TTC3: variants seen among roughly 807,000 people sequenced by gnomAD.
TTC3 encodes tetratricopeptide repeat domain 3, also known as E3 ubiquitin-protein ligase TTC3.
A neutral mutation model predicts 249.6 loss-of-function variants in TTC3; 180 were observed. The ratio of observed to expected loss-of-function variants is 0.72; its 90% confidence interval spans 0.64 to 0.82. The LOEUF (loss-of-function observed/expected upper bound fraction) is 0.82. Ranked by LOEUF, TTC3 falls within the 40% of genes least tolerant of loss-of-function variation. The probability of loss-of-function intolerance (pLI) is 0.00; values close to 1 mark genes in which losing one functional copy is unlikely to be tolerated. For synonymous variants in TTC3, 717 were observed against 805.0 expected (o/e 0.89, Z 1.85); for missense variants, 2,061 against 2,398.4 (o/e 0.86, Z 2.94).
chr21:37,077,590 T>G (rs2071076651), intron 1 of TTC3, among the ~76,000 whole-genome samples: 1 of 152,242 alleles, frequency 6.6e-6, no homozygotes, highest in Admixed American at 6.5e-5. Context: ...CTACAACCTC[T>G]CCAACACTTG....
At chr21:37,160,923 A>AT (rs2080677085) in intron 30 of TTC3, 65 bp downstream of exon 30, 1 of 1,462,116 alleles carries the variant, frequency 6.8e-7, no homozygotes, top group Non-Finnish European at 9.3e-7. Context: ...GGACATATAC[A>AT]TTAGAATTGA....
chr21:37,172,707 T>G, exon 35 of TTC3: 3 of 1,613,982 alleles, frequency 1.9e-6, no homozygotes, highest in Non-Finnish European at 2.5e-6. Context: ...ACCAGGGACC[T>G]GGAAGAGAAG....
chr21:37,109,313 CAAAG>C (rs2075381252), intron 11 of TTC3, among the ~76,000 whole-genome samples: 1 of 152,176 alleles, frequency 6.6e-6, no homozygotes, highest in African/African-American at 2.4e-5. Flanking sequence ...CTTTCCTAGT[CAAAG>C]AAAGGGGTGA....
chr21:37,099,786 C>T (rs1432545588), intron 10 of TTC3, among the ~76,000 whole-genome samples: 4 of 152,166 alleles, frequency 2.6e-5, no homozygotes, highest in African/African-American at 7.2e-5. Flanking sequence ...CTTCTAGGCT[C>T]ATATCCTCTG....
At chr21:37,171,284 T>C (rs1351083366) in intron 34 of TTC3, among the ~76,000 whole-genome samples, 1 of 152,224 alleles carries the variant, frequency 6.6e-6, no homozygotes, top group African/African-American at 2.4e-5. Context: ...AATGCTTTCT[T>C]AAATTAGCTG....
At chr21:37,144,321 T>G (rs1048268955) in intron 20 of TTC3, among the ~76,000 whole-genome samples, 1 of 151,108 alleles carries the variant, frequency 6.6e-6, no homozygotes, top group East Asian at 1.9e-4. Context: ...CCAAGACGAG[T>G]TGTGTTTAAT....
At chr21:37,088,145 A>G in intron 3 of TTC3, 51 bp from the exon 4 acceptor site, 3 of 1,456,190 alleles carry the variant, frequency 2.1e-6, no homozygotes, top group Middle Eastern at 2.5e-4. Flanking sequence ...GTGTTGATTC[A>G]TTAAAAAAAT....
In TTC3 at chr21:37,182,742, CATTT is replaced by C. The variant is rs1377860615; in HGVS notation, c.4618-26_4618-23del. The C allele has an allele frequency of 1.0e-5, 16 of 1,539,132 alleles. No homozygotes were observed. The Admixed American group carries it at 3.0e-4, about 28-fold the overall frequency. Reference sequence around the variant, plus strand: ...TCTTTTGTTAAAAAGTATATTTTGCCATTTATTTAAGTACTTTCTAAATGTTTTT... The same window carrying C: ...TCTTTTGTTAAAAAGTATATTTTGCCATTTAAGTACTTTCTAAATGTTTTT... On this transcript the variant is annotated intron_variant, in intron 35 of 45. Transcript: ENST00000355666.
exon 40 of TTC3, chr21:37,191,371 C>A (rs763426367): frequency 1.3e-6 from 2 of 1,589,256 alleles, no homozygotes; most frequent in Non-Finnish European, 1.7e-6. Context: ...GTCTGATATA[C>A]GTTCATGGGA....
At chr21:37,147,269 C>G (rs2079060005) in intron 21 of TTC3, among the ~76,000 whole-genome samples, 1 of 152,030 alleles carries the variant, frequency 6.6e-6, no homozygotes, top group Non-Finnish European at 1.5e-5. Context: ...AAAATTTTGT[C>G]CAGTCCTCTT....
chr21:37,121,770 C>A (rs774674751), intron 11 of TTC3, 47 bp from the exon 12 acceptor site: 1 of 1,495,092 alleles, frequency 6.7e-7, no homozygotes, highest in Admixed American at 2.4e-5. Flanking sequence ...TTTTCTTTAA[C>A]TTAAGCATAT....
intron 45 of TTC3, among the ~76,000 whole-genome samples, chr21:37,200,717 C>T (rs1329646802): frequency 6.6e-6 from 1 of 152,190 alleles, no homozygotes; most frequent in African/African-American, 2.4e-5. Context: ...CTAAACCTAG[C>T]TGAGTCCCTT....
At chr21:37,194,370 C>G (rs969206987) in intron 41 of TTC3, 4 of 152,172 alleles carry the variant, frequency 2.6e-5, no homozygotes, top group African/African-American at 9.7e-5. Flanking sequence ...GTGACCTCCT[C>G]CCTTTGTCCA....
In TTC3 at chr21:37,187,083, G is replaced by T. The variant is rs754260095; in HGVS notation, c.4861G>T (p.Glu1621Ter). 2.7e-5 allele frequency: 42 copies of T among 1,561,956 alleles called. No homozygotes were observed. Among genetic ancestry groups the T allele is most frequent in the Non-Finnish European group, 3.4e-5 (40 of 1,163,594 alleles). ...TACAAATGAGAAAATGAAAATAGAA[G>T]AGTATATAAAGAAAGGGAAAGAGGA... The change falls in exon 38 of 46, where the codon GAG (glutamate) becomes TAG (stop). Residue 1621 changes from glutamate to a stop codon, truncating the protein, a stop_gained. Transcript: ENST00000355666. LOFTEE classifies it high-confidence loss of function.
intron 28 of TTC3, chr21:37,158,072 T>C (rs1030195858): frequency 1.0e-6 from 1 of 974,686 alleles, no homozygotes; most frequent in Non-Finnish European, 1.2e-6. Flanking sequence ...AGCTTACTTT[T>C]GACAACAAAA....
chr21:37,158,539 A>G (rs1045375190), intron 28 of TTC3, among the ~76,000 whole-genome samples: 10 of 152,232 alleles, frequency 6.6e-5, no homozygotes, highest in Non-Finnish European at 1.2e-4. Context: ...CTGATCTTGT[A>G]GATCAGAGTG....
At chr21:37,150,539 G>T (rs2079367983) in intron 24 of TTC3, among the ~76,000 whole-genome samples, 1 of 151,916 alleles carries the variant, frequency 6.6e-6, no homozygotes, top group African/African-American at 2.4e-5. Flanking sequence ...ACATGGGAAT[G>T]GCAAGAGTGG....
intron 10 of TTC3, 164 bp downstream of exon 10, chr21:37,096,807 C>G (rs2073991361): frequency 1.8e-6 from 1 of 543,028 alleles, no homozygotes; most frequent in Non-Finnish European, 3.2e-6. Flanking sequence ...ATAATAACAA[C>G]AGTGACAGCA....
At chr21:37,108,490 A>C in intron 11 of TTC3, 44 bp downstream of exon 11, 1 of 1,550,132 alleles carries the variant, frequency 6.5e-7, no homozygotes, top group African/African-American at 1.4e-5. Context: ...AATGCCATAC[A>C]ACATTGTGAA....
Sources: allele counts gnomAD v4.1 joint callset (sites outside exome capture counted in the v4.1 genomes callset), GRCh38; gene constraint gnomAD v4.1.1; transcripts MANE v1.5; gene names NCBI Gene and HGNC (gene_info 2026-07-23, HGNC 2026-07-21).